The following KCNG3 variants were observed in gnomAD, a reference collection of about 807,000 sequenced individuals.
KCNG3 encodes potassium voltage-gated channel modifier subfamily G member 3, also known as voltage-gated potassium channel regulatory subunit KCNG3.
A neutral mutation model predicts 29.0 loss-of-function variants in KCNG3; 15 were observed. The ratio of observed to expected loss-of-function variants is 0.52; its 90% confidence interval spans 0.35 to 0.80. The LOEUF (loss-of-function observed/expected upper bound fraction) is 0.80, where lower values mean the gene tolerates loss of function less well. KCNG3 is among the 30% of genes least tolerant of loss of function. KCNG3 has a pLI of 0.01. For synonymous variants in KCNG3, 322 were observed against 248.9 expected, an observed-to-expected ratio of 1.29 and a Z score of -2.76; for missense variants, 512 against 605.7, an observed-to-expected ratio of 0.85 and a Z score of 1.62.
chr2:42,400,677 G>A, the KCNG3 span, among the ~76,000 whole-genome samples: 1 of 152,134 alleles, frequency 6.6e-6, no homozygotes, highest in Non-Finnish European at 1.5e-5. Flanking sequence ...TATGTCTTGT[G>A]ACTAAGTGAC....
chr2:42,477,387 A>ACACACACACACAC (rs1673459950), intron 1 of KCNG3, among the ~76,000 whole-genome samples: 1 of 41,932 alleles, frequency 2.4e-5, no homozygotes, highest in Non-Finnish European at 4.4e-5. Flanking sequence ...ACACATATAT[A>ACACACACACACAC]TACACACACA....
intron 1 of KCNG3, among the ~76,000 whole-genome samples, chr2:42,458,325 G>A (rs1449711232): frequency 6.6e-6 from 1 of 152,126 alleles, no homozygotes; most frequent in East Asian, 1.9e-4. Flanking sequence ...TTAGCAGACA[G>A]GAACATGCGC....
At chr2:42,428,235 G>A in the KCNG3 span, among the ~76,000 whole-genome samples, 3 of 151,278 alleles carry the variant, frequency 2.0e-5, no homozygotes, top group Admixed American at 2.0e-4. Flanking sequence ...CGAGGCAGGT[G>A]GATCATTTGA....
At chr2:42,485,449 A>ATT (rs11427289) in intron 1 of KCNG3, among the ~76,000 whole-genome samples, 42 of 147,640 alleles carry the variant, frequency 2.8e-4, no homozygotes, top group Admixed American at 9.5e-4. Flanking sequence ...AGCAAAGAGC[A>ATT]TTTTTTTTTT....
chr2:42,460,031 A>G (rs943518502), intron 1 of KCNG3, among the ~76,000 whole-genome samples: 1 of 151,912 alleles, frequency 6.6e-6, no homozygotes, highest in Non-Finnish European at 1.5e-5. Flanking sequence ...AGGGTAAAAC[A>G]GAACTCTCTG....
intron 1 of KCNG3, among the ~76,000 whole-genome samples, chr2:42,455,912 T>C (rs751263097): frequency 2.7e-5 from 4 of 149,930 alleles, no homozygotes; most frequent in African/African-American, 4.9e-5. Flanking sequence ...ATAATAATTA[T>C]ATACATATAG....
the KCNG3 span, among the ~76,000 whole-genome samples, chr2:42,407,096 A>C: frequency 2.0e-5 from 3 of 151,882 alleles, no homozygotes; most frequent in South Asian, 2.1e-4. Context: ...TGTTGGGTAC[A>C]TGCTTCTATA....
chr2:42,487,577 A>G (rs952016235), intron 1 of KCNG3, among the ~76,000 whole-genome samples: 1 of 152,190 alleles, frequency 6.6e-6, no homozygotes, highest in African/African-American at 2.4e-5. Context: ...ACTACTGGAT[A>G]CCATTTTTCA....
chr2:42,435,353 T>G, the KCNG3 span, among the ~76,000 whole-genome samples: 1 of 152,020 alleles, frequency 6.6e-6, no homozygotes, highest in Non-Finnish European at 1.5e-5. Context: ...GGAGTAAATC[T>G]TCATGACCTT....
At chr2:42,453,854 T>A (rs1033206873) in intron 1 of KCNG3, among the ~76,000 whole-genome samples, 2 of 152,196 alleles carry the variant, frequency 1.3e-5, no homozygotes, top group Non-Finnish European at 2.9e-5. Context: ...CTTAGATTTA[T>A]GTCATTAATC....
intron 1 of KCNG3, among the ~76,000 whole-genome samples, chr2:42,485,750 T>A (rs967946383): frequency 9.2e-5 from 14 of 152,080 alleles, no homozygotes; most frequent in Admixed American, 9.2e-4. Flanking sequence ...GCCCGGCAAA[T>A]GCTTAGTCAT....
chr2:42,388,442 T>A, the KCNG3 span: 1 of 152,204 alleles, frequency 6.6e-6, no homozygotes, highest in Non-Finnish European at 1.5e-5. Context: ...AAAATGTACA[T>A]ACTCACTGTC....
chr2:42,433,052 G>A, the KCNG3 span, among the ~76,000 whole-genome samples: 1 of 151,564 alleles, frequency 6.6e-6, no homozygotes, highest in Non-Finnish European at 1.5e-5. Context: ...ATCATACTTA[G>A]CAATGAAGGA....
chr2:42,395,181 G>C, the KCNG3 span, among the ~76,000 whole-genome samples: 1 of 152,204 alleles, frequency 6.6e-6, no homozygotes, highest in Non-Finnish European at 1.5e-5. Context: ...AGCCCATGGG[G>C]ACAAACAATG....
At chr2:42,428,475 AAAAG>A in the KCNG3 span, among the ~76,000 whole-genome samples, 1 of 143,812 alleles carries the variant, frequency 7.0e-6, no homozygotes, top group African/African-American at 2.8e-5. Flanking sequence ...AAAAAAAAAA[AAAAG>A]AAAAGAAAAA....
the KCNG3 span, among the ~76,000 whole-genome samples, chr2:42,435,905 A>T: frequency 6.6e-6 from 1 of 152,240 alleles, no homozygotes; most frequent in Non-Finnish European, 1.5e-5. Flanking sequence ...CAACAGAAAA[A>T]GAAACCCTAT....
chr2:42,446,570 C>A (rs1429732730), intron 1 of KCNG3, among the ~76,000 whole-genome samples: 2 of 152,070 alleles, frequency 1.3e-5, no homozygotes, highest in African/African-American at 4.8e-5. Flanking sequence ...TAACTTAAAC[C>A]CAAACATCAG....
intron 1 of KCNG3, among the ~76,000 whole-genome samples, chr2:42,477,033 A>T (rs1303469631): frequency 1.3e-5 from 2 of 149,966 alleles, no homozygotes; most frequent in East Asian, 2.1e-4. Context: ...AAAAATATAA[A>T]AAAAAAAAAT....
At chr2:42,429,555 C>A in the KCNG3 span, among the ~76,000 whole-genome samples, 2 of 152,300 alleles carry the variant, frequency 1.3e-5, no homozygotes, top group Middle Eastern at 6.8e-3. Flanking sequence ...GTCGAATCAG[C>A]AAAATGTCAT....
Sources: gnomAD v4.1 joint callset for allele counts (sites outside exome capture counted in the v4.1 genomes callset) on GRCh38, gnomAD v4.1.1 for gene constraint, MANE v1.5 for transcripts, NCBI Gene and HGNC (gene_info 2026-07-23, HGNC 2026-07-21) for gene names.